PLXNA4: variants seen among roughly 807,000 people sequenced by gnomAD.
The protein encoded by PLXNA4 is plexin A4.
PLXNA4 carries 44 observed loss-of-function variants against 191.8 expected under a neutral mutation model. The observed-to-expected ratio is 0.23, with a 90% confidence interval of 0.18 to 0.29. The LOEUF (loss-of-function observed/expected upper bound fraction) is 0.29, where lower values mean the gene tolerates loss of function less well. PLXNA4 is among the 10% of genes least tolerant of loss of function. The pLI is 1.00. For synonymous variants in PLXNA4, 1,082 were observed against 1,009.5 expected (o/e 1.07, Z -1.36); for missense variants, 1,800 against 2,488.8 (o/e 0.72, Z 5.89).
At chr7:132,519,725 G>A (rs1799097732) in intron 1 of PLXNA4, among the ~76,000 whole-genome samples, 1 of 152,236 alleles carries the variant, frequency 6.6e-6, no homozygotes, top group African/African-American at 2.4e-5. Flanking sequence ...GAAGTGGGAT[G>A]TTTTTGGCTC....
chr7:132,596,342 G>T (rs1402883407), intron 2 of PLXNA4, among the ~76,000 whole-genome samples: 1 of 152,122 alleles, frequency 6.6e-6, no homozygotes, highest in Non-Finnish European at 1.5e-5. Context: ...AGATCTTCCA[G>T]GCCTCTCTCT....
chr7:132,408,321 G>C (rs1383906487), intron 3 of PLXNA4, among the ~76,000 whole-genome samples: 3 of 152,082 alleles, frequency 2.0e-5, no homozygotes, highest in African/African-American at 7.2e-5. Context: ...ACATCGAAAG[G>C]AAATATTAAT....
At chr7:132,279,645 A>G (rs1800405220) in intron 4 of PLXNA4, among the ~76,000 whole-genome samples, 1 of 152,066 alleles carries the variant, frequency 6.6e-6, no homozygotes, top group African/African-American at 2.4e-5. Flanking sequence ...AGCGAAGAAA[A>G]AAAAGAGAGA....
intron 20 of PLXNA4, among the ~76,000 whole-genome samples, chr7:132,175,671 A>G (rs28472420): frequency 7.5e-4 from 114 of 152,322 alleles, no homozygotes; most frequent in African/African-American, 2.5e-3. Context: ...AGGCTGTTAC[A>G]TAGCACCAAA....
At chr7:132,224,445 T>A (rs910122855) in intron 8 of PLXNA4, among the ~76,000 whole-genome samples, 14 of 152,112 alleles carry the variant, frequency 9.2e-5, no homozygotes, top group African/African-American at 3.4e-4. Context: ...GTCCTGGCCA[T>A]CTTGTGTCAT....
At chr7:132,262,788 G>A (rs1024168934) in intron 4 of PLXNA4, among the ~76,000 whole-genome samples, 6 of 152,108 alleles carry the variant, frequency 3.9e-5, no homozygotes, top group African/African-American at 9.7e-5. Context: ...TGGGGAGGAA[G>A]GCAGAGATGC....
chr7:132,556,310 A>G (rs1180355291), intron 1 of PLXNA4, among the ~76,000 whole-genome samples: 1 of 152,200 alleles, frequency 6.6e-6, no homozygotes, highest in African/African-American at 2.4e-5. Flanking sequence ...GTGACCCGCT[A>G]TATCAGCAAA....
At chr7:132,418,781 A>G (rs1368277599) in intron 3 of PLXNA4, among the ~76,000 whole-genome samples, 1 of 152,174 alleles carries the variant, frequency 6.6e-6, no homozygotes, top group Admixed American at 6.5e-5. Flanking sequence ...AACAAAGAGT[A>G]AGCAGGAGGG....
Position 132,565,127 on chromosome 7 carries a change from A to G in PLXNA4, c.-87+11295T>C, listed in dbSNP as rs549255095. Among the ~76,000 whole-genome samples the G allele has an allele frequency of 2.6e-5, 4 of 152,262 alleles. No individual in the cohort carries two copies. In the South Asian group the frequency reaches 8.3e-4, roughly 32 times the overall value. ...TTGATTTTCTTTCACCTTGTGTGTA[A>G]ATAGACTCTTTCTTCTGATGCTCAC... On this transcript the variant is annotated intron_variant, in intron 1 of 31. Transcript: ENST00000321063.
chr7:132,419,897 T>C (rs1045474542), intron 3 of PLXNA4, among the ~76,000 whole-genome samples: 3 of 152,230 alleles, frequency 2.0e-5, no homozygotes. Flanking sequence ...GTCACTTTCA[T>C]GGGCTATGAC....
At chr7:132,170,699 T>C (rs1796259696) in intron 21 of PLXNA4, among the ~76,000 whole-genome samples, 1 of 152,210 alleles carries the variant, frequency 6.6e-6, no homozygotes. Context: ...CTGAGATCCC[T>C]TCCATAGCGG....
chr7:132,305,083 G>T (rs1351577251), intron 3 of PLXNA4, among the ~76,000 whole-genome samples: 1 of 152,180 alleles, frequency 6.6e-6, no homozygotes, highest in Non-Finnish European at 1.5e-5. Flanking sequence ...AGCCAGAATC[G>T]TTGCTGTGGG....
At chr7:132,264,756 G>A (rs1369381503) in intron 4 of PLXNA4, among the ~76,000 whole-genome samples, 1 of 149,148 alleles carries the variant, frequency 6.7e-6, no homozygotes, top group African/African-American at 2.5e-5. Flanking sequence ...GGAGTGCAAT[G>A]GCGCCATCTC....
chr7:132,512,014 G>A (rs1036095593), intron 1 of PLXNA4, among the ~76,000 whole-genome samples: 1 of 152,188 alleles, frequency 6.6e-6, no homozygotes, highest in Non-Finnish European at 1.5e-5. Context: ...CTGACTTTAT[G>A]TGAATTCACT....
intron 2 of PLXNA4, among the ~76,000 whole-genome samples, chr7:132,614,795 G>A (rs930683860): frequency 6.6e-6 from 1 of 152,234 alleles, no homozygotes; most frequent in African/African-American, 2.4e-5. Flanking sequence ...GGAAATGCCG[G>A]AGACACCTCC....
At chr7:132,306,955 G>A (rs1801546526) in intron 3 of PLXNA4, among the ~76,000 whole-genome samples, 1 of 152,178 alleles carries the variant, frequency 6.6e-6, no homozygotes, top group African/African-American at 2.4e-5. Flanking sequence ...CGGGCATGAG[G>A]TCTGAGTAAC....
rs185618788 is a variant in PLXNA4, at chr7:132,207,271, G to A, written c.2298+3672C>T. 4.8e-4 allele frequency among the ~76,000 whole-genome samples: 73 copies of A among 152,252 alleles called. No homozygotes were observed. In the Middle Eastern group the frequency reaches 0.01, roughly 21 times the overall value. On this transcript the variant is annotated intron_variant, in intron 10 of 31. Transcript: ENST00000321063. The stretch of plus-strand genomic sequence containing the variant: ...CCTATTGCTTCCCTATCCCTGTTTT[G>A]CACGTGGTAAATGACGGTGCCAAGA...
chr7:132,170,363 G>A (rs749304088), intron 21 of PLXNA4, among the ~76,000 whole-genome samples: 20 of 152,198 alleles, frequency 1.3e-4, no homozygotes, highest in Non-Finnish European at 2.2e-4. Flanking sequence ...CATAAATCCC[G>A]GCACTTGGCA....
chr7:132,241,049 C>T lies in PLXNA4; in HGVS notation c.1604+17G>A. 1 of 1,571,026 alleles carries T rather than the reference C, an allele frequency of 6.4e-7. No individual in the cohort carries two copies. The highest frequency in any genetic ancestry group is 2.3e-5 in the East Asian group (1 of 43,776). The stretch of plus-strand genomic sequence containing the variant: ...GAGGAAGTGGGAGGCACGAGGCAGC[C>T]TCCCCATGGTACTCACGTGTTGTGC... On this transcript the variant is annotated intron_variant, in intron 5 of 31. Transcript: ENST00000321063.
Sources: allele counts gnomAD v4.1 joint callset (sites outside exome capture counted in the v4.1 genomes callset), GRCh38; gene constraint gnomAD v4.1.1; transcripts MANE v1.5; gene names NCBI Gene and HGNC (gene_info 2026-07-23, HGNC 2026-07-21).